The following ETS1 variants were observed in gnomAD, a reference collection of about 807,000 sequenced individuals.
The protein encoded by ETS1 is ETS proto-oncogene 1, transcription factor, also known as protein C-ets-1.
Under a neutral mutation model 58.6 loss-of-function variants are expected in ETS1, and 15 were observed. The observed-to-expected ratio is 0.26, with a 90% CI of 0.17 to 0.39. ETS1 has a LOEUF of 0.39. Ranked by LOEUF, ETS1 falls within the 10% of genes least tolerant of loss-of-function variation. ETS1 has a pLI of 1.00. For synonymous variants in ETS1, 214 were observed against 218.2 expected, an observed-to-expected ratio of 0.98 and a Z score of 0.17; for missense variants, 417 against 610.5, an observed-to-expected ratio of 0.68 and a Z score of 3.34.
chr11:128,466,293 G>A (rs543027776), intron 8 of ETS1, among the ~76,000 whole-genome samples: 23 of 152,238 alleles, frequency 1.5e-4, no homozygotes, highest in African/African-American at 5.3e-4. Flanking sequence ...TTTGGGGCAC[G>A]GGGTCTCATG....
intron 3 of ETS1, among the ~76,000 whole-genome samples, chr11:128,525,245 G>A (rs528692747): frequency 6.6e-6 from 1 of 152,204 alleles, no homozygotes; most frequent in East Asian, 1.9e-4. Flanking sequence ...CAGAAGAGTG[G>A]AGCTAGACAA....
chr11:128,496,544 G>A (rs895317065), intron 3 of ETS1, among the ~76,000 whole-genome samples: 1 of 152,150 alleles, frequency 6.6e-6, no homozygotes, highest in African/African-American at 2.4e-5. Flanking sequence ...AACACAAATA[G>A]AGAAATGGCT....
chr11:128,576,145 G>A (rs987177367), intron 1 of ETS1, among the ~76,000 whole-genome samples: 1 of 152,222 alleles, frequency 6.6e-6, no homozygotes, highest in African/African-American at 2.4e-5. Flanking sequence ...AAACTGACAA[G>A]AGGGAGTTGC....
At chr11:128,552,073 T>G (rs1726527233) in intron 3 of ETS1, among the ~76,000 whole-genome samples, 1 of 152,098 alleles carries the variant, frequency 6.6e-6, no homozygotes, top group South Asian at 2.1e-4. Context: ...CTCGAGATTT[T>G]GCATTTCTAA....
rs151185331 is a variant in ETS1 at position 128,555,983 on chromosome 11, C to A, written c.214+308G>T. On this transcript the variant is annotated intron_variant, in intron 3 of 9. Transcript: ENST00000392668. ...TGTTTATCCAGCTCAGACTCTGTGA[C>A]TGCAAAACTTCTAGGCTCTCTGACA... 4.3e-3 allele frequency among the ~76,000 whole-genome samples: 651 copies of A among 152,332 alleles called. 1 individual carries two copies. The highest frequency in any genetic ancestry group is 6.6e-3 in the Non-Finnish European group (446 of 68,024).
chr11:128,531,739 A>C (rs1031058188), intron 3 of ETS1, among the ~76,000 whole-genome samples: 2 of 152,126 alleles, frequency 1.3e-5, no homozygotes, highest in Non-Finnish European at 2.9e-5. Context: ...TGGGTTCTCC[A>C]CTCTCTGGAT....
intron 3 of ETS1, among the ~76,000 whole-genome samples, chr11:128,533,104 A>G (rs779712114): frequency 1.3e-5 from 2 of 152,152 alleles, no homozygotes; most frequent in Non-Finnish European, 2.9e-5. Flanking sequence ...AATGTTGGTG[A>G]GTTTGTTCAC....
rs1864193026 is a variant in ETS1, at chr11:128,549,386, G to C, written c.214+6905C>G. Among the ~76,000 whole-genome samples the C allele has an allele frequency of 6.6e-6, 1 of 152,230 alleles. No homozygotes were observed. The highest frequency in any genetic ancestry group is 1.9e-4 in the East Asian group (1 of 5,160). ...AGCCGAGCGGGGCCTGACGCCAGCC[G>C]GCGGCGTCCACCGTCCCACCCCCGT... is the stretch of plus-strand genomic sequence containing the variant. On this transcript the variant is annotated intron_variant, in intron 3 of 9. Transcript: ENST00000392668. The surrounding 1 kb of genome is among the most constrained non-coding windows in gnomAD (Gnocchi z 4.3).
intron 7 of ETS1, 44 bp from the exon 8 acceptor site, chr11:128,480,495 G>T: frequency 7.1e-7 from 1 of 1,418,348 alleles, no homozygotes. Flanking sequence ...GGGGAGGAGG[G>T]AGTGGGAAAA....
intron 3 of ETS1, among the ~76,000 whole-genome samples, chr11:128,534,030 G>C (rs554746176): frequency 3.6e-4 from 55 of 152,318 alleles, no homozygotes; most frequent in Admixed American, 7.2e-4. Context: ...GCATAGTAAA[G>C]GGCGTTATTA....
intron 3 of ETS1, among the ~76,000 whole-genome samples, chr11:128,504,143 C>T (rs568809759): frequency 2.6e-5 from 4 of 152,324 alleles, no homozygotes; most frequent in African/African-American, 7.2e-5. Context: ...AGGGAGCATG[C>T]TTATGCTCCC....
intron 3 of ETS1, among the ~76,000 whole-genome samples, chr11:128,524,634 T>C (rs1863764917): frequency 6.6e-6 from 1 of 152,218 alleles, no homozygotes; most frequent in South Asian, 2.1e-4. Context: ...AGGACACAAG[T>C]AGATTTTTCT....
At chr11:128,524,028 G>A (rs962364241) in intron 3 of ETS1, among the ~76,000 whole-genome samples, 2 of 152,128 alleles carry the variant, frequency 1.3e-5, no homozygotes, top group African/African-American at 4.8e-5. Context: ...TGTTGATGTT[G>A]TATTGAGAAA....
chr11:128,585,193 G>A (rs12223541), intron 1 of ETS1, among the ~76,000 whole-genome samples: 3,258 of 15,572 alleles, frequency 0.21, 585 homozygotes, highest in African/African-American at 0.31. Context: ...AAAGAAGGAA[G>A]GAAAGAAAGA....
chr11:128,503,162 T>G lies in ETS1; in HGVS notation c.215-12586A>C, dbSNP rs565232911. ...ATGTAAGGAGATATACAAATCTAAA[T>G]AAGATTTTTTTTCTCTTTTTCCTTT... is the stretch of plus-strand genomic sequence containing the variant. On this transcript the variant is annotated intron_variant, in intron 3 of 9. Transcript: ENST00000392668. 4.6e-5 allele frequency among the ~76,000 whole-genome samples: 7 copies of G among 152,318 alleles called. No individual in the cohort carries two copies. In the East Asian group the frequency reaches 1.3e-3, roughly 29 times the overall value.
chr11:128,519,822 G>A (rs1271559160), intron 3 of ETS1, among the ~76,000 whole-genome samples: 1 of 152,004 alleles, frequency 6.6e-6, no homozygotes, highest in Non-Finnish European at 1.5e-5. Flanking sequence ...TTTCCTCTCT[G>A]AGGTATGGGC....
intron 3 of ETS1, chr11:128,521,851 T>A: frequency 7.0e-7 from 1 of 1,419,838 alleles, no homozygotes; most frequent in Non-Finnish European, 9.6e-7. Flanking sequence ...GGGGAAGAAG[T>A]CCAGGGGACC....
intron 8 of ETS1, among the ~76,000 whole-genome samples, chr11:128,476,254 A>G (rs1322277638): frequency 2.6e-5 from 4 of 152,316 alleles, no homozygotes; most frequent in African/African-American, 9.6e-5. Flanking sequence ...TAGGTCAATA[A>G]TTCTGGACGG....
intron 3 of ETS1, among the ~76,000 whole-genome samples, chr11:128,538,761 C>CAT (rs1386171557): frequency 0.16 from 5,885 of 37,940 alleles, 352 homozygotes; most frequent in African/African-American, 0.36. Context: ...CACATACACA[C>CAT]ACACACACAC....
Sources: gnomAD v4.1 joint callset for allele counts (sites outside exome capture counted in the v4.1 genomes callset) on GRCh38, gnomAD v4.1.1 for gene constraint, Gnocchi (gnomAD v3.1) non-coding constraint, MANE v1.5 for transcripts, NCBI Gene and HGNC (gene_info 2026-07-23, HGNC 2026-07-21) for gene names.